The following MTFR2 variants were observed in gnomAD, a reference collection of about 807,000 sequenced individuals.
The protein encoded by MTFR2 is DUF729 domain-containing protein 1.
A neutral mutation model predicts 41.2 loss-of-function variants in MTFR2; 44 were observed. The observed-to-expected ratio is 1.07, with a 90% CI of 0.84 to 1.37. The LOEUF is 1.37. Ranked by LOEUF, MTFR2 falls within the 40% of genes most tolerant of loss-of-function variation. The pLI is 0.00. For missense variants in MTFR2, 452 were observed against 459.5 expected (o/e 0.98, Z 0.15); for synonymous variants, 141 against 154.6 (o/e 0.91, Z 0.65).
chr6:136,240,093 T>C (rs1306947672), intron 5 of MTFR2, among the ~76,000 whole-genome samples: 1 of 152,136 alleles, frequency 6.6e-6, no homozygotes, highest in Non-Finnish European at 1.5e-5. Flanking sequence ...AAAGAGTTTT[T>C]TCAGTAATTC....
intron 6 of MTFR2, 97 bp from the exon 7 acceptor site, chr6:136,233,596 T>C (rs1779827823): frequency 1.1e-6 from 1 of 941,300 alleles, no homozygotes; most frequent in Admixed American, 3.2e-5. Context: ...TATCTTACAA[T>C]TTAATTAGTC....
At chr6:136,236,242 T>C (rs982683956) in intron 6 of MTFR2, among the ~76,000 whole-genome samples, 2 of 152,064 alleles carry the variant, frequency 1.3e-5, no homozygotes, top group African/African-American at 4.8e-5. Flanking sequence ...GAAGGAAGAC[T>C]CAGTGATGCA....
chr6:136,234,890 T>C (rs1194950204), intron 6 of MTFR2, among the ~76,000 whole-genome samples: 1 of 152,072 alleles, frequency 6.6e-6, no homozygotes. Context: ...GAAGGATGAT[T>C]CCTAGATATT....
rs535635607 is a variant in MTFR2 at position 136,243,839 on chromosome 6, T to C, written c.169-866A>G. ...ATGCATGTTATTGCCACTGAAGGCC[T>C]TCCAGTAGGACAAGATGTGGAGGTA... On this transcript the variant is annotated intron_variant, in intron 3 of 7. Coordinates refer to ENST00000420702, the MANE Select transcript of MTFR2 (RefSeq NM_001099286.3). Among the ~76,000 whole-genome samples the C allele has an allele frequency of 1.1e-4, 16 of 152,278 alleles. No individual in the cohort carries two copies. In the South Asian group the frequency reaches 3.1e-3, roughly 30 times the overall value.
rs1392495575 is a variant in MTFR2, at chr6:136,242,189, A to G, written c.282-513T>C. The stretch of plus-strand genomic sequence containing the variant: ...TATCTTATTTAGCTTTGTATTCCCA[A>G]TATAAACAGAACATAGCCTCCAATG... On this transcript the variant is annotated intron_variant, in intron 4 of 7. Coordinates refer to ENST00000420702, the MANE Select transcript of MTFR2 (RefSeq NM_001099286.3). Among the ~76,000 whole-genome samples the G allele has an allele frequency of 3.3e-5, 5 of 152,092 alleles. No homozygotes were observed. The South Asian group carries it at 1.0e-3, about 31-fold the overall frequency.
chr6:136,247,586 T>C, intron 2 of MTFR2: 1 of 455,612 alleles, frequency 2.2e-6, no homozygotes, highest in Non-Finnish European at 4.4e-6. Flanking sequence ...AAAAATTCCA[T>C]CCTGCGGCCC....
chr6:136,236,119 A>G (rs1052374873), intron 6 of MTFR2, among the ~76,000 whole-genome samples: 1 of 152,182 alleles, frequency 6.6e-6, no homozygotes, highest in Non-Finnish European at 1.5e-5. Flanking sequence ...CAAATTATAG[A>G]CGACTTCAAG....
In MTFR2 at chr6:136,233,391, ATCT is replaced by A. The variant is rs1779818153; in HGVS notation, c.975_977del (p.Glu325del). 1 of 1,612,258 alleles carries A rather than the reference ATCT, an allele frequency of 6.2e-7. No individual in the cohort carries two copies. The highest frequency in any genetic ancestry group is 2.2e-5 in the East Asian group (1 of 44,794). ...ATCTATTCTCTTTCTCAAAAGAATC[ATCT>A]TCTTGAAATGCAAATTTCTGTTTAA... On this transcript the variant is annotated inframe_deletion, in exon 7 of 8. Coordinates refer to ENST00000420702, the MANE Select transcript of MTFR2 (RefSeq NM_001099286.3).
intron 3 of MTFR2, among the ~76,000 whole-genome samples, chr6:136,243,943 A>C (rs1250982849): frequency 2.6e-5 from 4 of 152,050 alleles, no homozygotes; most frequent in Non-Finnish European, 5.9e-5. Context: ...TTAACAAAAA[A>C]ATTTTAAAAG....
At chr6:136,237,029 T>C (rs895623501) in intron 6 of MTFR2, among the ~76,000 whole-genome samples, 6 of 152,194 alleles carry the variant, frequency 3.9e-5, no homozygotes, top group Admixed American at 2.0e-4. Flanking sequence ...ACAGGGCGTG[T>C]GCTAAATAAG....
chr6:136,249,186 G>C (rs1008254421), intron 1 of MTFR2, 33 bp from the exon 2 acceptor site: 1 of 1,093,482 alleles, frequency 9.1e-7, no homozygotes, highest in African/African-American at 1.7e-5. Context: ...TGTTACTCTT[G>C]ACAAATAAAT....
chr6:136,248,960 A>G, intron 2 of MTFR2, 77 bp downstream of exon 2: 2 of 1,312,920 alleles, frequency 1.5e-6, no homozygotes, highest in Non-Finnish European at 2.1e-6. Context: ...AAATCAAATG[A>G]TTACATATAA....
At position 136,231,194 on chromosome 6, in the gene MTFR2, A is replaced by T; in HGVS notation, c.*81T>A. On this transcript the variant is annotated 3_prime_UTR_variant, in exon 8 of 8. Coordinates refer to ENST00000420702, the MANE Select transcript of MTFR2 (RefSeq NM_001099286.3). ...TTAAATACATCTACTTTTAGCCTTTAACAGTCCAAATCAGTTTCTAAGAAT... is the reference window on the plus strand; with the variant it reads ...TTAAATACATCTACTTTTAGCCTTTTACAGTCCAAATCAGTTTCTAAGAAT... 1.1e-6 allele frequency: 1 copy of T among 926,358 alleles called. No homozygotes were observed. 57.4% of individuals were successfully genotyped at this position (926,358 alleles called of 1,614,324 possible).
At chr6:136,248,897 A>C (rs1371952195) in intron 2 of MTFR2, 140 bp downstream of exon 2, 2 of 665,892 alleles carry the variant, frequency 3.0e-6, no homozygotes, top group African/African-American at 1.9e-5. Flanking sequence ...TCAAAGCTAT[A>C]CTATTACAAA....
chr6:136,236,689 G>A (rs1779914907), intron 6 of MTFR2, among the ~76,000 whole-genome samples: 1 of 152,058 alleles, frequency 6.6e-6, no homozygotes, highest in South Asian at 2.1e-4. Context: ...CTCTTCACAA[G>A]GATTTCACTT....
intron 6 of MTFR2, among the ~76,000 whole-genome samples, chr6:136,237,943 G>T (rs982150283): frequency 6.6e-6 from 1 of 152,138 alleles, no homozygotes; most frequent in African/African-American, 2.4e-5. Context: ...ATAGAAAAAA[G>T]GGGGCAAGAA....
chr6:136,239,254 C>A (rs1355641429), intron 6 of MTFR2, among the ~76,000 whole-genome samples: 1 of 151,816 alleles, frequency 6.6e-6, no homozygotes, highest in African/African-American at 2.4e-5. Flanking sequence ...CAAGAAATAG[C>A]AAATAAGTAT....
chr6:136,233,507 T>TA lies in MTFR2; in HGVS notation c.870-9_870-8insT, dbSNP rs1197283507. ...GGTCTACCGCCAGGTGACCTATTTT[T>TA]TAAAAAAAAAAATTGAATTTATTAA... On this transcript the variant is annotated splice_polypyrimidine_tract_variant and intron_variant, in intron 6 of 7. Coordinates refer to ENST00000420702, the MANE Select transcript of MTFR2 (RefSeq NM_001099286.3). 31 of 1,469,288 alleles carry TA rather than the reference T, an allele frequency of 2.1e-5. No individual in the cohort carries two copies. The highest frequency in any genetic ancestry group is 1.0e-5 in the Non-Finnish European group (11 of 1,102,234). The allele number at this position is 1,469,288 out of a possible 1,614,324, so 91.0% of individuals were successfully genotyped here.
rs1562212468 is a variant in MTFR2, at chr6:136,242,851, A to G, written c.281+10T>C. 3.7e-6 allele frequency: 6 copies of G among 1,600,596 alleles called. No individual in the cohort carries two copies. The highest frequency in any genetic ancestry group is 1.3e-5 in the African/African-American group (1 of 74,424). On this transcript the variant is annotated intron_variant, in intron 4 of 7. Coordinates refer to ENST00000420702, the MANE Select transcript of MTFR2 (RefSeq NM_001099286.3). ...ATAGCCCACTTCCCAAGATAAGCAT[A>G]TAAAATTACCGAAATCTGAGATAAC...
Sources: gnomAD v4.1 joint callset for allele counts (sites outside exome capture counted in the v4.1 genomes callset) on GRCh38, gnomAD v4.1.1 for gene constraint, MANE v1.5 for transcripts, NCBI Gene and HGNC (gene_info 2026-07-23, HGNC 2026-07-21) for gene names.